Variants in NELL1 observed in about 807,000 individuals in gnomAD.
NELL1 encodes the protein protein kinase C-binding protein NELL1.
A neutral mutation model predicts 107.4 loss-of-function variants in NELL1; 76 were observed. The ratio of observed to expected loss-of-function variants is 0.71; its 90% CI spans 0.59 to 0.86. The LOEUF (loss-of-function observed/expected upper bound fraction) is 0.86, where lower values mean the gene tolerates loss of function less well. NELL1 is among the 40% of genes least tolerant of loss of function. The pLI is 0.00. For missense variants in NELL1, 1,024 were observed against 1,005.5 expected, an observed-to-expected ratio of 1.02 and a Z score of -0.25; for synonymous variants, 353 against 341.2, an observed-to-expected ratio of 1.03 and a Z score of -0.38.
At chr11:20,750,029 A>G (rs909754551) in intron 2 of NELL1, among the ~76,000 whole-genome samples, 2 of 152,128 alleles carry the variant, frequency 1.3e-5, no homozygotes, top group East Asian at 1.9e-4. Flanking sequence ...GAGTTCTCCA[A>G]AGTGGTTATT....
chr11:20,670,201 C>A (rs1287594189), intron 1 of NELL1, among the ~76,000 whole-genome samples: 1 of 152,148 alleles, frequency 6.6e-6, no homozygotes, highest in Non-Finnish European at 1.5e-5. Flanking sequence ...GGAGTCGCAC[C>A]CGCAGAGGGA....
At chr11:20,931,382 T>C (rs1036251944) in intron 9 of NELL1, among the ~76,000 whole-genome samples, 7 of 152,230 alleles carry the variant, frequency 4.6e-5, no homozygotes, top group Non-Finnish European at 8.8e-5. Context: ...ATCAGTGGAA[T>C]TTCTAGATGT....
intron 15 of NELL1, among the ~76,000 whole-genome samples, chr11:21,386,305 A>C (rs552855792): frequency 6.6e-6 from 1 of 151,916 alleles, no homozygotes; most frequent in South Asian, 2.1e-4. Context: ...TCCCATTCCA[A>C]GGTGTTAATT....
intron 15 of NELL1, among the ~76,000 whole-genome samples, chr11:21,441,527 T>C (rs1853285304): frequency 6.6e-6 from 1 of 152,098 alleles, no homozygotes; most frequent in Admixed American, 6.6e-5. Flanking sequence ...ATATGCATAA[T>C]CATTAAAGGC....
chr11:21,553,083 C>G (rs993256819), intron 16 of NELL1, among the ~76,000 whole-genome samples: 1 of 151,842 alleles, frequency 6.6e-6, no homozygotes, highest in African/African-American at 2.4e-5. Context: ...GTGTAAATTG[C>G]AGAATGCTTC....
intron 5 of NELL1, among the ~76,000 whole-genome samples, chr11:20,894,209 T>G: frequency 6.6e-6 from 1 of 152,180 alleles, no homozygotes; most frequent in Non-Finnish European, 1.5e-5. Flanking sequence ...CTTTATGACC[T>G]CGATGTAGGA....
intron 15 of NELL1, among the ~76,000 whole-genome samples, chr11:21,495,869 T>A (rs1313959494): frequency 2.0e-5 from 3 of 152,158 alleles, no homozygotes; most frequent in Non-Finnish European, 4.4e-5. Flanking sequence ...TTTCTTGATG[T>A]TTCTGCATAC....
intron 13 of NELL1, among the ~76,000 whole-genome samples, chr11:21,138,587 G>C (rs1855795712): frequency 6.6e-6 from 1 of 152,204 alleles, no homozygotes; most frequent in South Asian, 2.1e-4. Flanking sequence ...AAGGAGACCT[G>C]AAGGCTTCTT....
chr11:21,236,906 C>T (rs1352597261), intron 14 of NELL1, among the ~76,000 whole-genome samples: 1 of 152,066 alleles, frequency 6.6e-6, no homozygotes, highest in Non-Finnish European at 1.5e-5. Flanking sequence ...CTATAGTTTG[C>T]CATTTGAAGA....
At chr11:20,798,203 G>T (rs1352556211) in intron 3 of NELL1, among the ~76,000 whole-genome samples, 3 of 152,224 alleles carry the variant, frequency 2.0e-5, no homozygotes, top group African/African-American at 7.2e-5. Flanking sequence ...TCCAGAAAAT[G>T]AGGATGTTTT....
chr11:21,414,603 GTTC>G (rs956084089), intron 15 of NELL1, among the ~76,000 whole-genome samples: 2 of 126,186 alleles, frequency 1.6e-5, no homozygotes, highest in Non-Finnish European at 3.8e-5. Flanking sequence ...CTTCTCTTAA[GTTC>G]TTCTTGTTTT....
intron 12 of NELL1, among the ~76,000 whole-genome samples, chr11:20,976,001 A>G (rs895813125): frequency 7.3e-6 from 1 of 137,006 alleles, no homozygotes; most frequent in East Asian, 2.1e-4. Context: ...TATGTGTATT[A>G]TATATACATT....
intron 15 of NELL1, among the ~76,000 whole-genome samples, chr11:21,479,180 C>T (rs536873839): frequency 7.9e-5 from 12 of 152,200 alleles, no homozygotes; most frequent in African/African-American, 2.9e-4. Context: ...AGCAATCCCA[C>T]TTCTGGGTAT....
At chr11:21,072,477 T>G (rs1854037955) in intron 12 of NELL1, among the ~76,000 whole-genome samples, 1 of 152,192 alleles carries the variant, frequency 6.6e-6, no homozygotes, top group Non-Finnish European at 1.5e-5. Flanking sequence ...CATTTTCATT[T>G]TAAACATCAA....
intron 2 of NELL1, among the ~76,000 whole-genome samples, chr11:20,767,719 T>TATTC (rs112687398): frequency 0.17 from 25,862 of 150,758 alleles, 2,398 homozygotes; most frequent in East Asian, 0.28. Context: ...CAATATATCA[T>TATTC]ATTCATTCAT....
intron 14 of NELL1, among the ~76,000 whole-genome samples, chr11:21,324,459 T>C (rs1850083509): frequency 6.6e-6 from 1 of 152,122 alleles, no homozygotes; most frequent in Non-Finnish European, 1.5e-5. Flanking sequence ...TTTTACATTT[T>C]CTTCTAATAT....
chr11:21,357,733 A>G (rs2133731549), intron 14 of NELL1, among the ~76,000 whole-genome samples: 1 of 152,330 alleles, frequency 6.6e-6, no homozygotes, highest in East Asian at 1.9e-4. Flanking sequence ...GCCAACAACT[A>G]GAAGAGTTTT....
chr11:21,016,449 C>T (rs1168272147), intron 12 of NELL1, among the ~76,000 whole-genome samples: 1 of 152,070 alleles, frequency 6.6e-6, no homozygotes. Flanking sequence ...GATTTAGTTC[C>T]ACCACCTTTC....
rs1009080625 is a variant in NELL1, at chr11:21,183,923, C to T, written c.1427-45409C>T. Among the ~76,000 whole-genome samples the T allele has an allele frequency of 4.7e-4, 72 of 151,644 alleles. 2 individuals are homozygous for T. Among genetic ancestry groups the T allele is most frequent in the African/African-American group, 1.7e-3 (68 of 41,028 alleles). On this transcript the variant is annotated intron_variant, in intron 13 of 19. Coordinates refer to ENST00000357134, the MANE Select transcript of NELL1 (RefSeq NM_006157.5). ...ACAAAAGGAAAAAAATCTGCGTTTCCGTTACTATGATCATTTTTGGGGGCT... is the reference window on the plus strand; with the variant it reads ...ACAAAAGGAAAAAAATCTGCGTTTCTGTTACTATGATCATTTTTGGGGGCT...
Sources: gnomAD v4.1 joint callset for allele counts (sites outside exome capture counted in the v4.1 genomes callset) on GRCh38, gnomAD v4.1.1 for gene constraint, MANE v1.5 for transcripts, NCBI Gene and HGNC (gene_info 2026-07-23, HGNC 2026-07-21) for gene names.